CAST: variants seen among roughly 807,000 people sequenced by gnomAD.
CAST encodes the protein calpastatin.
CAST carries 76 observed loss-of-function variants against 119.6 expected under a neutral mutation model. That is an observed-to-expected ratio of 0.64 (90% CI 0.53 to 0.77). The LOEUF (loss-of-function observed/expected upper bound fraction) is 0.77, where lower values mean the gene tolerates loss of function less well. CAST is among the 30% of genes least tolerant of loss of function. The probability of loss-of-function intolerance (pLI) is 0.00; values close to 1 mark genes in which losing one functional copy is unlikely to be tolerated. For missense variants in CAST, 953 were observed against 946.5 expected (o/e 1.01, Z -0.09); for synonymous variants, 319 against 331.6 (o/e 0.96, Z 0.41).
chr5:96,617,791 A>G (rs1290552599), intron 1 of CAST, among the ~76,000 whole-genome samples: 8 of 28,432 alleles, frequency 2.8e-4, no homozygotes, highest in East Asian at 7.6e-4. Flanking sequence ...AATTCCATCT[A>G]AAAAAAAAAA....
At chr5:96,268,616 A>C in the CAST span, among the ~76,000 whole-genome samples, 1 of 152,100 alleles carries the variant, frequency 6.6e-6, no homozygotes, top group Non-Finnish European at 1.5e-5. Context: ...AAATAAATCA[A>C]AAATAAAAGG....
At chr5:96,506,948 T>C in the CAST span, among the ~76,000 whole-genome samples, 12 of 152,180 alleles carry the variant, frequency 7.9e-5, no homozygotes, top group African/African-American at 2.9e-4. Context: ...TCCTAAAGAT[T>C]GCTATTGAAG....
At chr5:96,768,077 A>G (rs1265356267) in intron 29 of CAST, 78 bp downstream of exon 29, 10 of 943,784 alleles carry the variant, frequency 1.1e-5, no homozygotes, top group African/African-American at 8.2e-5. Flanking sequence ...TTATTTATTG[A>G]TTGATCTATC....
the CAST span, among the ~76,000 whole-genome samples, chr5:96,294,142 A>G: frequency 6.6e-6 from 1 of 152,210 alleles, no homozygotes; most frequent in Non-Finnish European, 1.5e-5. Flanking sequence ...ATGTATTGCT[A>G]TGTAAAATGT....
chr5:96,757,672 G>T lies in CAST; in HGVS notation c.1833+18G>T. 6.6e-7 allele frequency: 1 copy of T among 1,520,560 alleles called. No individual in the cohort carries two copies. The highest frequency in any genetic ancestry group is 9.0e-7 in the Non-Finnish European group (1 of 1,110,832). The allele number at this position is 1,520,560 out of a possible 1,614,324, so 94.2% of individuals were successfully genotyped here. On this transcript the variant is annotated intron_variant, in intron 24 of 31. Transcript: ENST00000675179. ...CATCTCTTGTAAGTCCAAAACTCTT[G>T]GTTTTATTTCTTTAGTTTTTTTTTT...
chr5:96,165,232 A>G, the CAST span, among the ~76,000 whole-genome samples: 2 of 152,006 alleles, frequency 1.3e-5, no homozygotes, highest in Non-Finnish European at 2.9e-5. Context: ...TGAAAAGAGA[A>G]GACAAATGGA....
chr5:96,293,053 ATTC>A, the CAST span, among the ~76,000 whole-genome samples: 1 of 152,198 alleles, frequency 6.6e-6, no homozygotes, highest in Non-Finnish European at 1.5e-5. Context: ...TCCTCCTAAT[ATTC>A]TTCTCTGGCC....
chr5:96,306,610 A>G, the CAST span, among the ~76,000 whole-genome samples: 1 of 152,026 alleles, frequency 6.6e-6, no homozygotes. Flanking sequence ...CCCTCTACAC[A>G]CTGCTTTAAA....
At chr5:96,754,268 G>A in intron 21 of CAST, 107 bp downstream of exon 21, 1 of 760,578 alleles carries the variant, frequency 1.3e-6, no homozygotes, top group Non-Finnish European at 2.3e-6. Context: ...TGTAAAACAT[G>A]ACCAGCTGGC....
At chr5:96,757,313 G>T in intron 22 of CAST, 131 bp from the exon 23 acceptor site, 2 of 849,284 alleles carry the variant, frequency 2.4e-6, no homozygotes, top group South Asian at 3.0e-5. Flanking sequence ...AATCCTTCGT[G>T]ACATGATGGA....
the CAST span, among the ~76,000 whole-genome samples, chr5:95,984,399 G>A: frequency 6.6e-6 from 1 of 152,182 alleles, no homozygotes; most frequent in Admixed American, 6.5e-5. Context: ...TTTTCAAGTT[G>A]TTGATTAACA....
intron 16 of CAST, among the ~76,000 whole-genome samples, 177 bp from the exon 17 acceptor site, chr5:96,746,165 C>T (rs1411464071): frequency 6.6e-6 from 1 of 152,218 alleles, no homozygotes; most frequent in South Asian, 2.1e-4. Flanking sequence ...TCACCCACTG[C>T]TCCCTTTCTC....
In CAST at chr5:96,619,729, A is replaced by G. The variant is rs141163675; in HGVS notation, c.61-55810A>G. Among the ~76,000 whole-genome samples, 3 of 152,300 alleles carry G rather than the reference A, an allele frequency of 2.0e-5. No homozygotes were observed. The East Asian group carries it at 5.8e-4, about 29-fold the overall frequency. On this transcript the variant is annotated intron_variant, in intron 1 of 11. Coordinates refer to the CAST transcript ENST00000505143. ...CATCAGAATAACAAACTCCAGGCAC[A>G]CCATCTTTAAGAAGGGTAACACTCA...
At chr5:96,465,976 C>T in the CAST span, among the ~76,000 whole-genome samples, 1 of 152,100 alleles carries the variant, frequency 6.6e-6, no homozygotes, top group Admixed American at 6.6e-5. Context: ...TCCAATCCAA[C>T]ATCACAGAAT....
chr5:96,292,938 A>C, the CAST span, among the ~76,000 whole-genome samples: 3 of 152,242 alleles, frequency 2.0e-5, no homozygotes, highest in Non-Finnish European at 2.9e-5. Flanking sequence ...CGTCTTCATT[A>C]AAGAGTCCCG....
the CAST span, among the ~76,000 whole-genome samples, chr5:96,030,356 C>A: frequency 6.6e-6 from 1 of 152,158 alleles, no homozygotes; most frequent in Admixed American, 6.6e-5. Flanking sequence ...CATTTGTGCT[C>A]TAGCACCAAT....
the CAST span, chr5:96,397,330 A>T: frequency 6.2e-7 from 1 of 1,612,560 alleles, no homozygotes; most frequent in Non-Finnish European, 8.5e-7. Flanking sequence ...TCTCATTCAC[A>T]CTTACCATGT....
chr5:96,351,224 G>A, the CAST span, among the ~76,000 whole-genome samples: 1 of 152,116 alleles, frequency 6.6e-6, no homozygotes, highest in Admixed American at 6.6e-5. Flanking sequence ...ATAATGGATT[G>A]TATAACTGTT....
chr5:96,523,762 C>A (rs1745555175), upstream of CAST, among the ~76,000 whole-genome samples: 1 of 152,144 alleles, frequency 6.6e-6, no homozygotes. Context: ...GAGCCGTGGG[C>A]ACTGTAACTG....
Sources: gnomAD v4.1 joint callset for allele counts (sites outside exome capture counted in the v4.1 genomes callset) on GRCh38, gnomAD v4.1.1 for gene constraint, MANE v1.5 for transcripts, NCBI Gene and HGNC (gene_info 2026-07-23, HGNC 2026-07-21) for gene names.